Variants in GPR173 observed in about 807,000 individuals in gnomAD.
GPR173 encodes the protein probable G protein-coupled receptor 173.
GPR173 carries 2 observed loss-of-function variants against 13.9 expected under a neutral mutation model. The observed-to-expected ratio is 0.14, with a 90% CI of 0.06 to 0.45. The LOEUF (loss-of-function observed/expected upper bound fraction) is 0.45. Among genes scored for constraint, GPR173 ranks in the 20% least tolerant of loss-of-function variants. The pLI, the probability that GPR173 is intolerant of heterozygous loss-of-function variation, is 0.98. For missense variants in GPR173, 202 were observed against 340.5 expected (o/e 0.59, Z 3.20); for synonymous variants, 131 against 141.0 (o/e 0.93, Z 0.50).
In GPR173 at chrX:53,077,580, G is replaced by A. The variant is rs782310745; in HGVS notation, c.959G>A (p.Arg320His). 4.0e-5 allele frequency: 49 copies of A among 1,210,153 alleles called. No individual in the cohort carries two copies. The highest frequency in any genetic ancestry group is 4.9e-5 in the Non-Finnish European group (44 of 894,871). The change falls in exon 2 of 2, where the codon CGC becomes CAC. Residue 320 changes from arginine (R) to histidine (H), a missense_variant. Physicochemically the swap from Arg to His is conservative, Grantham distance 29. This residue lies in a region of GPR173 where 76 missense variants were observed against 116.3 expected (regional missense o/e 0.65). Coordinates refer to ENST00000332582, the MANE Select transcript of GPR173 (RefSeq NM_018969.6). ...VFVKACAVPH[R>H]YLATAVWMSF... ...GTGAAAGCCTGTGCTGTGCCCCACC[G>A]CTACCTGGCCACTGCTGTTTGGATG...
chrX:53,063,389 C>G (rs1932153680), intron 1 of GPR173, among the ~76,000 whole-genome samples: 1 of 109,938 alleles, frequency 9.1e-6, no homozygotes, highest in African/African-American at 3.3e-5. Flanking sequence ...TGCTCAAGTC[C>G]TAGGGGTACC....
rs1291747437 is a variant in GPR173 at position 53,048,910 on chromosome X, G to GC, written c.-665dup. Among the ~76,000 whole-genome samples, 35 of 110,860 alleles carry GC rather than the reference G, an allele frequency of 3.2e-4. No homozygotes were observed. Among genetic ancestry groups the GC allele is most frequent in the Admixed American group, 3.0e-3 (32 of 10,614 alleles). On this transcript the variant is annotated 5_prime_UTR_variant, in exon 1 of 2. An upstream open reading frame in the 5' UTR gains an earlier in-frame stop. Transcript: ENST00000332582. ...GGGAGCGGGGTGAGCCTGGATGAGA[G>GC]CCCCCCCAACCTGGGGCTCTCCCAG... is the stretch of plus-strand genomic sequence containing the variant.
chrX:53,074,326 A>ATATTTATATG (rs1932369512), intron 1 of GPR173, among the ~76,000 whole-genome samples: 2 of 71,260 alleles, frequency 2.8e-5, no homozygotes, highest in African/African-American at 1.2e-4. Context: ...ATATTTATAT[A>ATATTTATATG]TAAATGTATA....
In GPR173 at chrX:53,076,673, C is replaced by T. The variant is rs782012966; in HGVS notation, c.52C>T (p.Pro18Ser). 4 of 1,204,804 alleles carry T rather than the reference C, an allele frequency of 3.3e-6. No homozygotes were observed. In the South Asian group the frequency reaches 7.1e-5, roughly 21 times the overall value. Residue 18 changes from proline to serine, a missense_variant, in exon 2 of 2, where the codon CCG becomes TCG. Around this residue, in one of 3 missense-constraint regions of GPR173, gnomAD observed 98 missense variants for 137.2 expected, o/e 0.71. Transcript: ENST00000332582. The part of the protein sequence containing the change: ...PEEVSGALSP[P>S]SASAYVKLVL... Reference sequence around the variant, plus strand: ...GGAGGTGAGCGGCGCTCTGTCCCCACCGTCCGCATCAGCTTATGTGAAGCT... The same window carrying T: ...GGAGGTGAGCGGCGCTCTGTCCCCATCGTCCGCATCAGCTTATGTGAAGCT...
At chrX:53,054,137 A>AGTGTGTGT (rs1271390743) in intron 1 of GPR173, among the ~76,000 whole-genome samples, 10 of 89,106 alleles carry the variant, frequency 1.1e-4, no homozygotes, top group Admixed American at 2.2e-4. Context: ...ATCTTAATAG[A>AGTGTGTGT]GTGTGTGTGT....
intron 1 of GPR173, among the ~76,000 whole-genome samples, chrX:53,069,749 G>C (rs782041969): frequency 8.9e-6 from 1 of 111,839 alleles, no homozygotes; most frequent in East Asian, 2.8e-4. Context: ...GTGTGCCTTT[G>C]TGTGTGTGTG....
intron 1 of GPR173, among the ~76,000 whole-genome samples, chrX:53,062,643 T>C (rs1162322788): frequency 1.1e-5 from 1 of 94,809 alleles, no homozygotes; most frequent in Admixed American, 1.2e-4. Flanking sequence ...AGTACAGTGA[T>C]GGGATCACAG....
chrX:53,050,843 A>G (rs1299665805), intron 1 of GPR173, among the ~76,000 whole-genome samples: 4 of 111,638 alleles, frequency 3.6e-5, no homozygotes, highest in Non-Finnish European at 7.5e-5. Flanking sequence ...GTAGAGAATG[A>G]TAAGTGGTTA....
intron 1 of GPR173, among the ~76,000 whole-genome samples, chrX:53,052,678 GAGGTATATTCA>G: frequency 9.1e-6 from 1 of 110,067 alleles, no homozygotes; most frequent in South Asian, 3.9e-4. Context: ...GGCATACACA[GAGGTATATTCA>G]TATGTGTGAA....
At chrX:53,062,005 AGAG>A (rs1166136538) in intron 1 of GPR173, among the ~76,000 whole-genome samples, 4 of 110,300 alleles carry the variant, frequency 3.6e-5, no homozygotes, top group Non-Finnish European at 5.7e-5. Context: ...AGAGAAGAGA[AGAG>A]AAGAGAAGAG....
chrX:53,077,997 ATTCT>A lies in GPR173; in HGVS notation c.*255_*258del. 3.0e-6 allele frequency: 1 copy of A among 338,478 alleles called. No individual in the cohort carries two copies. Among genetic ancestry groups the A allele is most frequent in the East Asian group, 4.6e-5 (1 of 21,592 alleles). The allele number at this position is 338,478 out of a possible 1,213,427, so 27.9% of individuals were successfully genotyped here. ...CCTCCTTCTCCACTTCTACAATCTCATTCTCTCTCTCTCTCTCTCTGTCTCTCTC... is the reference window on the plus strand; with the variant it reads ...CCTCCTTCTCCACTTCTACAATCTCACTCTCTCTCTCTCTCTGTCTCTCTC... On this transcript the variant is annotated 3_prime_UTR_variant, in exon 2 of 2. Coordinates refer to ENST00000332582, the MANE Select transcript of GPR173 (RefSeq NM_018969.6).
intron 1 of GPR173, among the ~76,000 whole-genome samples, chrX:53,051,929 A>ATG (rs1556802733): frequency 1.8e-5 from 2 of 110,386 alleles, no homozygotes; most frequent in Non-Finnish European, 1.9e-5. Context: ...GAGGGTGTAT[A>ATG]TGTGTGTGTG....
chrX:53,057,641 C>T (rs997526348), intron 1 of GPR173, among the ~76,000 whole-genome samples: 12 of 107,011 alleles, frequency 1.1e-4, no homozygotes, highest in Admixed American at 7.1e-4. Context: ...GTAATACCAG[C>T]TACTCAGGAA....
chrX:53,077,868 C>A lies in GPR173; in HGVS notation c.*125C>A. ...TGAGCTCCAGCCCCAGCCCCTCGAA[C>A]CACCTGTAATCTAGGCACCTTTGCC... is the stretch of plus-strand genomic sequence containing the variant. On this transcript the variant is annotated 3_prime_UTR_variant, in exon 2 of 2. Coordinates refer to ENST00000332582, the MANE Select transcript of GPR173 (RefSeq NM_018969.6). 1.9e-6 allele frequency: 1 copy of A among 537,243 alleles called. No individual in the cohort carries two copies. The highest frequency in any genetic ancestry group is 3.1e-6 in the Non-Finnish European group (1 of 327,750). 44.3% of individuals were successfully genotyped at this position (537,243 alleles called of 1,213,427 possible). A position where few individuals can be genotyped will look rare whatever the true frequency, so the allele number is the denominator to read the frequency against.
intron 1 of GPR173, among the ~76,000 whole-genome samples, chrX:53,061,277 C>T (rs782506415): frequency 9.1e-5 from 10 of 110,344 alleles, no homozygotes; most frequent in Non-Finnish European, 1.3e-4. Context: ...ATATTGTATG[C>T]GTGTGTATCT....
chrX:53,068,143 A>C (rs183073948), intron 1 of GPR173, among the ~76,000 whole-genome samples: 6 of 111,641 alleles, frequency 5.4e-5, no homozygotes, highest in African/African-American at 1.3e-4. Context: ...GAATACTGGG[A>C]GTGAGGGAAG....
intron 1 of GPR173, among the ~76,000 whole-genome samples, chrX:53,064,285 T>C (rs1436096308): frequency 8.9e-6 from 1 of 112,154 alleles, no homozygotes; most frequent in Non-Finnish European, 1.9e-5. Flanking sequence ...ACAGAGATTT[T>C]AGGCTAGGCG....
intron 1 of GPR173, among the ~76,000 whole-genome samples, chrX:53,070,836 T>C (rs1362706526): frequency 1.8e-5 from 2 of 112,203 alleles, no homozygotes; most frequent in Non-Finnish European, 3.8e-5. Context: ...ATATCCATTT[T>C]GTATTAACTA....
chrX:53,079,457 G>C lies in GPR173; in HGVS notation c.*1714G>C, dbSNP rs1225052400. 6.0e-5 allele frequency: 7 copies of C among 116,154 alleles called. No homozygotes were observed. The highest frequency in any genetic ancestry group is 2.1e-4 in the African/African-American group (6 of 29,043). 9.6% of individuals were successfully genotyped at this position (116,154 alleles called of 1,213,427 possible). On this transcript the variant is annotated 3_prime_UTR_variant, in exon 2 of 2. Transcript: ENST00000332582. ...GGTGGGGTGGGAAGACCAAGGGGGT[G>C]GGGGGTAGATAGGGTACATTTAGGA...
Sources: gnomAD v4.1 joint callset for allele counts (sites outside exome capture counted in the v4.1 genomes callset) on GRCh38, gnomAD v4.1.1 for gene constraint, gnomAD v4.1.1 regional missense constraint, MANE v1.5 for transcripts, NCBI Gene and HGNC (gene_info 2026-07-23, HGNC 2026-07-21) for gene names.